The following MFSD2A variants were observed in gnomAD, a reference collection of about 807,000 sequenced individuals.
MFSD2A encodes MFSD2 lysolipid transporter A, lysophospholipid, also known as sodium-dependent lysophosphatidylcholine symporter 1.
Under a neutral mutation model 64.7 loss-of-function variants are expected in MFSD2A, and 27 were observed. The ratio of observed to expected loss-of-function variants is 0.42; its 90% CI spans 0.31 to 0.58. The LOEUF is 0.58. MFSD2A is among the 20% of genes least tolerant of loss of function. MFSD2A has a pLI of 0.18. For synonymous variants in MFSD2A, 258 were observed against 273.4 expected (o/e 0.94, Z 0.55); for missense variants, 474 against 679.5 (o/e 0.70, Z 3.36).
Position 39,958,795 on chromosome 1 carries a change from C to A in MFSD2A, c.323C>A (p.Pro108His), listed in dbSNP as rs1275752322. ...PLVGLCISKS[P>H]WTCLGRLMPW... is the part of the protein sequence containing the mutation. ...GTGGGCCTCTGCATCAGCAAATCCC[C>A]CTGGACCTGCCTGGGTCGCCTTATG... Residue 108 changes from proline to histidine, a missense_variant, in exon 3 of 14, where the codon CCC becomes CAC. Pro to His is a moderately conservative substitution (Grantham distance 77). Coordinates refer to ENST00000372811, the MANE Select transcript of MFSD2A (RefSeq NM_032793.5). The surrounding 1 kb of genome is among the most constrained non-coding windows in gnomAD (Gnocchi z 4.7). The A allele has an allele frequency of 8.7e-6, 14 of 1,612,814 alleles. No homozygotes were observed. The highest frequency in any genetic ancestry group is 1.6e-4 in the Middle Eastern group (1 of 6,068).
intron 9 of MFSD2A, 64 bp downstream of exon 9, chr1:39,967,233 C>T: frequency 7.1e-7 from 1 of 1,415,272 alleles, no homozygotes; most frequent in Non-Finnish European, 9.9e-7. Flanking sequence ...TGGAATGGTT[C>T]TTGGAATAGG....
chr1:39,956,915 C>CAAAAAAAA (rs34385828), intron 1 of MFSD2A, among the ~76,000 whole-genome samples, 172 bp from the exon 2 acceptor site: 1 of 35,348 alleles, frequency 2.8e-5, no homozygotes, highest in Non-Finnish European at 5.4e-5. Context: ...GACTCTGTCT[C>CAAAAAAAA]AAAAAAAAAA....
At chr1:39,966,453 G>C (rs895604310) in intron 6 of MFSD2A, 148 bp from the exon 7 acceptor site, 1 of 700,262 alleles carries the variant, frequency 1.4e-6, no homozygotes, top group African/African-American at 1.8e-5. Flanking sequence ...AGCAGGCCCA[G>C]GATGATCCTC....
At chr1:39,956,941 AAAAAGG>A in intron 1 of MFSD2A, 140 bp from the exon 2 acceptor site, 1 of 673,086 alleles carries the variant, frequency 1.5e-6, no homozygotes, top group East Asian at 3.8e-5. Context: ...AAAAAAAAAA[AAAAAGG>A]TGGGATCTCC....
chr1:39,962,745 G>A, intron 3 of MFSD2A: 1 of 873,514 alleles, frequency 1.1e-6, no homozygotes, highest in Non-Finnish European at 1.9e-6. Context: ...CACCAAGCTG[G>A]GCCGCTTGGT....
chr1:39,963,238 C>G lies in MFSD2A; in HGVS notation c.354-1973C>G. ...TACACCTCAGCCCGGGGCTGCACTG[C>G]CACCCTGGGCAGCTTTGCCAAGGGC... On this transcript the variant is annotated intron_variant, in intron 3 of 13. Coordinates refer to ENST00000372811, the MANE Select transcript of MFSD2A (RefSeq NM_032793.5). This position sits in a 1 kb window ranked among gnomAD's most constrained non-coding sequence, Gnocchi z 4.2. 6.4e-7 allele frequency: 1 copy of G among 1,563,368 alleles called. No individual in the cohort carries two copies. The highest frequency in any genetic ancestry group is 1.1e-5 in the South Asian group (1 of 90,084).
chr1:39,965,906 A>G lies in MFSD2A; in HGVS notation c.606A>G (p.Gly202=), dbSNP rs2124776046. ...LGTVLGTAIQ[G]QIVGQADTPC... ...CAGTGCTGGGCACGGCGATCCAGGG[A>G]CAAATCGTGGGCCAAGCAGACACGC... The change falls in exon 6 of 14, where the codon GGA becomes GGG. Residue 202 remains glycine (G), a synonymous_variant. Coordinates refer to ENST00000372811, the MANE Select transcript of MFSD2A (RefSeq NM_032793.5). This position sits in a 1 kb window ranked among gnomAD's most constrained non-coding sequence, Gnocchi z 5.5. 2 of 1,614,120 alleles carry G rather than the reference A, an allele frequency of 1.2e-6. No homozygotes were observed. The highest frequency in any genetic ancestry group is 1.1e-5 in the South Asian group (1 of 91,086).
intron 1 of MFSD2A, among the ~76,000 whole-genome samples, chr1:39,956,731 A>G (rs1644936651): frequency 6.6e-6 from 1 of 151,952 alleles, no homozygotes; most frequent in South Asian, 2.1e-4. Context: ...GCTGGCTAAC[A>G]TGGTGAAACC....
At chr1:39,969,131 G>T (rs1455543667) in intron 13 of MFSD2A, among the ~76,000 whole-genome samples, 2 of 152,186 alleles carry the variant, frequency 1.3e-5, no homozygotes, top group Non-Finnish European at 2.9e-5. Flanking sequence ...CAGCTGAAAG[G>T]GGCGGAGCTG....
At chr1:39,961,653 CT>C (rs1251048680) in intron 3 of MFSD2A, among the ~76,000 whole-genome samples, 2 of 151,208 alleles carry the variant, frequency 1.3e-5, no homozygotes, top group East Asian at 1.9e-4. Context: ...GGCCCTTTTC[CT>C]TTTTTCTGAT....
At chr1:39,956,370 C>A (rs1166619468) in intron 1 of MFSD2A, among the ~76,000 whole-genome samples, 1 of 152,224 alleles carries the variant, frequency 6.6e-6, no homozygotes, top group African/African-American at 2.4e-5. Context: ...CTCTCTAGAG[C>A]TCTCACCAGG....
Position 39,965,864 on chromosome 1 carries a change from T to C in MFSD2A, c.564T>C (p.Thr188=). Residue 188 remains threonine, a synonymous_variant, in exon 6 of 14, where the codon ACT becomes ACC. Transcript: ENST00000372811. The surrounding 1 kb of genome is among the most constrained non-coding windows in gnomAD (Gnocchi z 5.5). ...CTCCTTTTCTCCTGCCAGGGATGACTGTGGAAGTGCTGGGCACAGTGCTGG... is the reference window on the plus strand; with the variant it reads ...CTCCTTTTCTCCTGCCAGGGATGACCGTGGAAGTGCTGGGCACAGTGCTGG... ...ERDSATAYRM[T]VEVLGTVLGT... 2 of 1,613,888 alleles carry C rather than the reference T, an allele frequency of 1.2e-6. No individual in the cohort carries two copies. The highest frequency in any genetic ancestry group is 1.7e-6 in the Non-Finnish European group (2 of 1,180,030).
intron 6 of MFSD2A, among the ~76,000 whole-genome samples, 182 bp downstream of exon 6, chr1:39,966,196 G>A (rs1441091614): frequency 1.3e-5 from 2 of 152,236 alleles, no homozygotes; most frequent in Non-Finnish European, 2.9e-5. Flanking sequence ...TAGAGAGGCT[G>A]AATAAGTTGC....
chr1:39,966,048 A>G, intron 6 of MFSD2A, 34 bp downstream of exon 6: 1 of 1,611,356 alleles, frequency 6.2e-7, no homozygotes, highest in Non-Finnish European at 8.5e-7. Flanking sequence ...ATTTGGGGAG[A>G]TAAGGAACAG....
Position 39,955,403 on chromosome 1 carries a change from C to G in MFSD2A, c.93+18C>G, listed in dbSNP as rs533659450. Reference sequence around the variant, plus strand: ...AGGTGAAGGTGAGGGCCCGGCACCCCGCGTGGAGGGCGAGGGGAGGGAGGA... The same window carrying G: ...AGGTGAAGGTGAGGGCCCGGCACCCGGCGTGGAGGGCGAGGGGAGGGAGGA... On this transcript the variant is annotated intron_variant, in intron 1 of 13. Coordinates refer to ENST00000372811, the MANE Select transcript of MFSD2A (RefSeq NM_032793.5). This position sits in a 1 kb window ranked among gnomAD's most constrained non-coding sequence, Gnocchi z 5.9. 1 of 1,510,292 alleles carries G rather than the reference C, an allele frequency of 6.6e-7. No homozygotes were observed. 93.6% of individuals were successfully genotyped at this position (1,510,292 alleles called of 1,614,324 possible).
rs1395591266 is a variant in MFSD2A at position 39,955,883 on chromosome 1, T to G, written c.93+498T>G. ...CGCGTCCCTCAGGCATTTGTCTGAA[T>G]GTGGATGTTCGCGCGGGAACGGTGC... On this transcript the variant is annotated intron_variant, in intron 1 of 13. Transcript: ENST00000372811. This position sits in a 1 kb window ranked among gnomAD's most constrained non-coding sequence, Gnocchi z 5.9. The G allele has an allele frequency of 8.1e-6, 2 of 247,982 alleles. No individual in the cohort carries two copies. Among genetic ancestry groups the G allele is most frequent in the Non-Finnish European group, 1.7e-5 (2 of 120,874 alleles). The allele number at this position is 247,982 out of a possible 1,614,324, so 15.4% of individuals were successfully genotyped here.
At chr1:39,959,373 G>A (rs374318538) in intron 3 of MFSD2A, among the ~76,000 whole-genome samples, 5 of 151,182 alleles carry the variant, frequency 3.3e-5, no homozygotes, top group Non-Finnish European at 5.9e-5. Flanking sequence ...TCAGCCTCTC[G>A]AGTAGCTGCG....
At chr1:39,967,026 G>T in intron 8 of MFSD2A, 60 bp from the exon 9 acceptor site, 1 of 1,610,716 alleles carries the variant, frequency 6.2e-7, no homozygotes, top group South Asian at 1.1e-5. Context: ...TCTTGGGGAG[G>T]CTCAGCCCCA....
Position 39,968,035 on chromosome 1 carries a change from A to T in MFSD2A, c.1208+119A>T. Reference sequence around the variant, plus strand: ...ACAGGCCATTCTGTGGGTCCAGGTTAGGAGTGGGGGAGGTCTGTCCTGTAC... The same window carrying T: ...ACAGGCCATTCTGTGGGTCCAGGTTTGGAGTGGGGGAGGTCTGTCCTGTAC... On this transcript the variant is annotated intron_variant, in intron 11 of 13. Transcript: ENST00000372811. This position sits in a 1 kb window ranked among gnomAD's most constrained non-coding sequence, Gnocchi z 4.4. 1 of 679,246 alleles carries T rather than the reference A, an allele frequency of 1.5e-6. No individual in the cohort carries two copies. Among genetic ancestry groups the T allele is most frequent in the Non-Finnish European group, 2.5e-6 (1 of 403,078 alleles). The allele number at this position is 679,246 out of a possible 1,614,324, so 42.1% of individuals were successfully genotyped here.
Sources: allele counts gnomAD v4.1 joint callset (sites outside exome capture counted in the v4.1 genomes callset), GRCh38; gene constraint gnomAD v4.1.1; non-coding constraint Gnocchi (gnomAD v3.1); transcripts MANE v1.5; gene names NCBI Gene and HGNC (gene_info 2026-07-23, HGNC 2026-07-21).